Variants in ETFDH observed in about 807,000 individuals in gnomAD.
ETFDH encodes electron transfer flavoprotein-ubiquinone oxidoreductase, mitochondrial.
ETFDH carries 61 observed loss-of-function variants against 73.2 expected under a neutral mutation model. That is an observed-to-expected ratio of 0.83 (90% CI 0.68 to 1.03). ETFDH has a LOEUF of 1.03. ETFDH is among the 50% of genes least tolerant of loss of function. ETFDH has a pLI of 0.00. For missense variants in ETFDH, 685 were observed against 745.0 expected, an observed-to-expected ratio of 0.92 and a Z score of 0.94; for synonymous variants, 243 against 253.3, an observed-to-expected ratio of 0.96 and a Z score of 0.39.
Position 158,690,330 on chromosome 4 carries a change from G to GT in ETFDH, c.607-12dup, listed in dbSNP as rs527944729. On this transcript the variant is annotated splice_polypyrimidine_tract_variant and intron_variant, in intron 5 of 12. Coordinates refer to ENST00000511912, the MANE Select transcript of ETFDH (RefSeq NM_004453.4). ...TGAATTCTAAGGTATTAATAAATTT[G>GT]TTTTTTATCATTTTTAGGTCCTTTT... 8.9e-5 allele frequency: 128 copies of GT among 1,440,644 alleles called. No individual in the cohort carries two copies. In the African/African-American group the frequency reaches 1.0e-3, roughly 11 times the overall value. The allele number at this position is 1,440,644 out of a possible 1,614,324, so 89.2% of individuals were successfully genotyped here.
chr4:158,672,313 G>A lies in ETFDH; in HGVS notation c.-144G>A. 1.2e-6 allele frequency: 1 copy of A among 839,738 alleles called. No homozygotes were observed. Among genetic ancestry groups the A allele is most frequent in the Non-Finnish European group, 2.1e-6 (1 of 484,528 alleles). 52.0% of individuals were successfully genotyped at this position (839,738 alleles called of 1,614,324 possible). Reference sequence around the variant, plus strand: ...GGAACGCCGTGAAGCAAGAGCGGTCGGCAGAGCGGGGAGGCGAACTGCAGC... The same window carrying A: ...GGAACGCCGTGAAGCAAGAGCGGTCAGCAGAGCGGGGAGGCGAACTGCAGC... On this transcript the variant is annotated 5_prime_UTR_variant, in exon 1 of 13. Coordinates refer to ENST00000511912, the MANE Select transcript of ETFDH (RefSeq NM_004453.4).
chr4:158,701,462 T>C (rs1774460306), intron 9 of ETFDH, among the ~76,000 whole-genome samples: 1 of 152,218 alleles, frequency 6.6e-6, no homozygotes, highest in Non-Finnish European at 1.5e-5. Flanking sequence ...ACCACAGTCA[T>C]AAATTCATTC....
At chr4:158,694,834 C>T (rs1774268045) in intron 6 of ETFDH, among the ~76,000 whole-genome samples, 1 of 152,084 alleles carries the variant, frequency 6.6e-6, no homozygotes, top group Admixed American at 6.5e-5. Context: ...GGGAATCTAT[C>T]TTATAGGAAT....
At chr4:158,703,692 A>G in intron 10 of ETFDH, 101 bp downstream of exon 10, 1 of 750,382 alleles carries the variant, frequency 1.3e-6, no homozygotes, top group Non-Finnish European at 2.3e-6. Context: ...CTTTATAGAA[A>G]GTATTAATAA....
chr4:158,672,845 A>AG, intron 1 of ETFDH, among the ~76,000 whole-genome samples: 1 of 152,292 alleles, frequency 6.6e-6, no homozygotes, highest in East Asian at 1.9e-4. Context: ...GAAAAAAAAA[A>AG]ATCGTATTTG....
At chr4:158,702,404 T>G (rs77023182) in intron 9 of ETFDH, among the ~76,000 whole-genome samples, 8,570 of 152,160 alleles carry the variant, frequency 0.056, 605 homozygotes, top group African/African-American at 0.18. Flanking sequence ...ATAGAACTTA[T>G]TCCTCCTATT....
chr4:158,687,191 A>T (rs1774027501), intron 5 of ETFDH, among the ~76,000 whole-genome samples: 2 of 152,208 alleles, frequency 1.3e-5, no homozygotes, highest in Non-Finnish European at 2.9e-5. Context: ...AGTTCAGTTC[A>T]TGAAAACTCA....
At position 158,706,747 on chromosome 4, in the gene ETFDH, T is replaced by C; in HGVS notation, c.1587T>C (p.His529=). The C allele has an allele frequency of 6.2e-7, 1 of 1,613,922 alleles. No homozygotes were observed. ...LSSVALSGTN[H]EHDQPAHLTL... ...CTGTGGCTCTGAGTGGTACTAATCA[T>C]GAACATGACCAGCCGGCACACTTAA... Residue 529 remains histidine, a synonymous_variant, in exon 12 of 13, where the codon CAT becomes CAC. Coordinates refer to ENST00000511912, the MANE Select transcript of ETFDH (RefSeq NM_004453.4).
rs111870477 is a variant in ETFDH, at chr4:158,672,835, GA to G, written c.34+356del. Among the ~76,000 whole-genome samples the G allele has an allele frequency of 7.3e-3, 1,081 of 148,000 alleles. 12 individuals are homozygous for G. The highest frequency in any genetic ancestry group is 0.023 in the African/African-American group (943 of 40,590). ...AATCTTCAAACCTCTGTTGGAAATGGAAAAAAAAAAATCGTATTTGCCCAGT... is the reference window on the plus strand; with the variant it reads ...AATCTTCAAACCTCTGTTGGAAATGGAAAAAAAAAATCGTATTTGCCCAGT... On this transcript the variant is annotated intron_variant, in intron 1 of 12. Transcript: ENST00000511912.
At chr4:158,695,917 T>A (rs1042461077) in intron 7 of ETFDH, among the ~76,000 whole-genome samples, 3 of 152,218 alleles carry the variant, frequency 2.0e-5, no homozygotes, top group Non-Finnish European at 4.4e-5. Context: ...TATTTGAATC[T>A]TTTTTATTTT....
rs765809641 is a variant in ETFDH, at chr4:158,690,369, A to G, written c.628A>G (p.Ser210Gly). The G allele has an allele frequency of 6.3e-7, 1 of 1,594,854 alleles. No individual in the cohort carries two copies. The highest frequency in any genetic ancestry group is 8.6e-7 in the Non-Finnish European group (1 of 1,162,424). Residue 210 changes from serine (S) to glycine (G), a missense_variant, in exon 6 of 13, where the codon AGT (serine) becomes GGT (glycine). Around this residue, in one of 3 missense-constraint regions of ETFDH, gnomAD observed 405 missense variants for 399.3 expected, o/e 1.01. Coordinates refer to ENST00000511912, the MANE Select transcript of ETFDH (RefSeq NM_004453.4). ...TTAGGTCCTTTTTCATGATGATGGT[A>G]GTGTAAAAGGAATTGCCACTAACGA... Reference protein sequence around the residue: ...AAEVLFHDDGSVKGIATNDVG... With the variant: ...AAEVLFHDDGGVKGIATNDVG...
intron 6 of ETFDH, among the ~76,000 whole-genome samples, chr4:158,692,541 A>G (rs527368292): frequency 6.6e-6 from 1 of 152,198 alleles, no homozygotes; most frequent in African/African-American, 2.4e-5. Flanking sequence ...TTTTTTAACA[A>G]GCCTCCAGGG....
intron 5 of ETFDH, among the ~76,000 whole-genome samples, chr4:158,688,390 CAAAA>C (rs34614893): frequency 6.0e-5 from 6 of 100,100 alleles, no homozygotes; most frequent in Non-Finnish European, 1.0e-4. Flanking sequence ...GACTCTGTCT[CAAAA>C]AAAAAAAAAA....
rs906243968 is a variant in ETFDH, at chr4:158,681,908, G to C, written c.176-287G>C. 27 of 418,840 alleles carry C rather than the reference G, an allele frequency of 6.4e-5. No homozygotes were observed. In the Middle Eastern group the frequency reaches 2.9e-3, roughly 46 times the overall value. The allele number at this position is 418,840 out of a possible 1,614,324, so 25.9% of individuals were successfully genotyped here. A position where few individuals can be genotyped will look rare whatever the true frequency, so the allele number is the denominator to read the frequency against. On this transcript the variant is annotated intron_variant, in intron 2 of 12. Transcript: ENST00000511912. ...TCTCAGAAAGCATTTCTGTCATTAAGTGACTTGTGACTGTATTTTACACAA... is the reference window on the plus strand; with the variant it reads ...TCTCAGAAAGCATTTCTGTCATTAACTGACTTGTGACTGTATTTTACACAA...
At position 158,695,477 on chromosome 4, in the gene ETFDH, A is replaced by T; in HGVS notation, c.685-20A>T. 1 of 1,603,800 alleles carries T rather than the reference A, an allele frequency of 6.2e-7. No homozygotes were observed. ...TTTAAATTGTCAAATGTTGCCATTT[A>T]ACATGTTTTTGCTTTTCAGGCAACA... On this transcript the variant is annotated intron_variant, in intron 6 of 12. Coordinates refer to ENST00000511912, the MANE Select transcript of ETFDH (RefSeq NM_004453.4).
chr4:158,678,359 TTGTC>T (rs1424507459), intron 1 of ETFDH, among the ~76,000 whole-genome samples: 2 of 152,208 alleles, frequency 1.3e-5, no homozygotes, highest in Admixed American at 1.3e-4. Flanking sequence ...CAATCTGAGT[TTGTC>T]TGATCATTTC....
At position 158,672,391 on chromosome 4, in the gene ETFDH, G is replaced by A; in HGVS notation, c.-66G>A. ...GCGCCCCCCGCGGCCTAGAGGTCCA[G>A]CGCCCGCCGCGAGCAGCGGACAGTC... On this transcript the variant is annotated 5_prime_UTR_variant, in exon 1 of 13. Transcript: ENST00000511912. 1.3e-6 allele frequency: 2 copies of A among 1,575,920 alleles called. No individual in the cohort carries two copies. Among genetic ancestry groups the A allele is most frequent in the Non-Finnish European group, 1.7e-6 (2 of 1,145,608 alleles).
At chr4:158,690,116 C>T (rs1479130696) in intron 5 of ETFDH, among the ~76,000 whole-genome samples, 1 of 152,096 alleles carries the variant, frequency 6.6e-6, no homozygotes, top group African/African-American at 2.4e-5. Flanking sequence ...TTTTCTTTCT[C>T]ATCAAGGTTG....
chr4:158,673,695 G>T (rs1458971882), intron 1 of ETFDH, among the ~76,000 whole-genome samples: 5 of 152,182 alleles, frequency 3.3e-5, no homozygotes, highest in Admixed American at 3.3e-4. Context: ...TGTTTGGAAC[G>T]TTAAAGTAGT....
Sources: gnomAD v4.1 joint callset for allele counts (sites outside exome capture counted in the v4.1 genomes callset) on GRCh38, gnomAD v4.1.1 for gene constraint, gnomAD v4.1.1 regional missense constraint, MANE v1.5 for transcripts, NCBI Gene and HGNC (gene_info 2026-07-23, HGNC 2026-07-21) for gene names.